FOXN2: variants seen among roughly 807,000 people sequenced by gnomAD.
The protein encoded by FOXN2 is forkhead box protein N2.
FOXN2 carries 19 observed loss-of-function variants against 41.2 expected under a neutral mutation model. That is an observed-to-expected ratio of 0.46 (90% CI 0.32 to 0.68). The LOEUF is 0.68. Among genes scored for constraint, FOXN2 ranks in the 30% least tolerant of loss-of-function variants. The pLI is 0.03. For missense variants in FOXN2, 587 were observed against 509.4 expected (o/e 1.15, Z -1.47); for synonymous variants, 195 against 176.8 (o/e 1.10, Z -0.82).
At chr2:48,327,942 C>CT (rs1210425483) in intron 1 of FOXN2, among the ~76,000 whole-genome samples, 1 of 152,074 alleles carries the variant, frequency 6.6e-6, no homozygotes, top group East Asian at 1.9e-4. Flanking sequence ...AAGTTTTACT[C>CT]TTGCTTTCCA....
At chr2:48,342,584 T>A (rs934137445) in intron 2 of FOXN2, among the ~76,000 whole-genome samples, 1 of 152,084 alleles carries the variant, frequency 6.6e-6, no homozygotes, top group African/African-American at 2.4e-5. Flanking sequence ...TATAATTTTT[T>A]AATTTATGTA....
chr2:48,360,296 A>G (rs1672086161), intron 4 of FOXN2, among the ~76,000 whole-genome samples: 1 of 152,188 alleles, frequency 6.6e-6, no homozygotes, highest in Admixed American at 6.5e-5. Flanking sequence ...GTAGTTTATA[A>G]TGGCTAACTT....
chr2:48,341,923 T>A (rs1670800772), intron 2 of FOXN2, among the ~76,000 whole-genome samples: 1 of 152,234 alleles, frequency 6.6e-6, no homozygotes, highest in Non-Finnish European at 1.5e-5. Context: ...CAGAACAAGC[T>A]GTACTAAGAA....
At chr2:48,333,842 A>C (rs1670171945) in intron 2 of FOXN2, among the ~76,000 whole-genome samples, 1 of 152,112 alleles carries the variant, frequency 6.6e-6, no homozygotes, top group Non-Finnish European at 1.5e-5. Flanking sequence ...CAGAAATATT[A>C]ACATAGTTAT....
At chr2:48,339,799 A>G (rs6545035) in intron 2 of FOXN2, among the ~76,000 whole-genome samples, 65,570 of 151,632 alleles carry the variant, frequency 0.43, 14,371 homozygotes, top group East Asian at 0.52. Flanking sequence ...GAAATTTCTG[A>G]CACTTGTATA....
chr2:48,333,770 A>G (rs1670167832), intron 2 of FOXN2, among the ~76,000 whole-genome samples: 1 of 152,148 alleles, frequency 6.6e-6, no homozygotes, highest in Non-Finnish European at 1.5e-5. Context: ...ATCTGAGTGG[A>G]TGTAAGGGTA....
chr2:48,319,535 A>G (rs1467850477), intron 1 of FOXN2, among the ~76,000 whole-genome samples: 1 of 151,986 alleles, frequency 6.6e-6, no homozygotes, highest in Non-Finnish European at 1.5e-5. Context: ...TGAACTTTTA[A>G]TTGAAATTCT....
chr2:48,363,254 C>G (rs1672313224), intron 5 of FOXN2, among the ~76,000 whole-genome samples: 1 of 151,202 alleles, frequency 6.6e-6, no homozygotes. Flanking sequence ...TTGTTTTTAA[C>G]TAAAAAGTTT....
intron 2 of FOXN2, among the ~76,000 whole-genome samples, chr2:48,345,527 T>C (rs906335652): frequency 2.0e-5 from 3 of 152,124 alleles, no homozygotes; most frequent in African/African-American, 7.2e-5. Flanking sequence ...GTATATGAGG[T>C]GATGGATATA....
intron 2 of FOXN2, among the ~76,000 whole-genome samples, chr2:48,341,969 C>A (rs1219076056): frequency 6.6e-6 from 1 of 152,172 alleles, no homozygotes; most frequent in Non-Finnish European, 1.5e-5. Context: ...CTTGAGCTCT[C>A]TGATAAGTCC....
intron 2 of FOXN2, among the ~76,000 whole-genome samples, chr2:48,336,465 ATT>A (rs1455890893): frequency 6.1e-4 from 91 of 150,132 alleles, no homozygotes; most frequent in African/African-American, 2.0e-3. Flanking sequence ...GTGTATATAT[ATT>A]TATTTATTTA....
intron 1 of FOXN2, among the ~76,000 whole-genome samples, chr2:48,327,688 A>G (rs1669770314): frequency 6.6e-6 from 1 of 152,130 alleles, no homozygotes; most frequent in African/African-American, 2.4e-5. Context: ...CAGGTGATCC[A>G]CCTGCCTTGG....
chr2:48,346,822 C>G (rs1671134703), intron 3 of FOXN2, 71 bp downstream of exon 3: 3 of 1,318,352 alleles, frequency 2.3e-6, no homozygotes, highest in Non-Finnish European at 3.1e-6. Context: ...CTTAAAATAT[C>G]TGGAAATCGG....
At position 48,346,631 on chromosome 2, in the gene FOXN2, T is replaced by C. The variant is rs751980761; in HGVS notation, c.417T>C (p.Tyr139=). ...AATGTTTGCCTGTCAAAGAAATTTA[T>C]AGCTGGATTCTGGACCATTTTCCAT... The part of the protein sequence containing the change: ...PNKCLPVKEI[Y]SWILDHFPYF... The change falls in exon 3 of 7, where the codon TAT becomes TAC. Residue 139 remains tyrosine, a synonymous_variant. Transcript: ENST00000340553. The C allele has an allele frequency of 6.2e-7, 1 of 1,614,184 alleles. No individual in the cohort carries two copies. The highest frequency in any genetic ancestry group is 1.1e-5 in the South Asian group (1 of 91,084).
At chr2:48,351,123 G>A (rs950047144) in intron 3 of FOXN2, among the ~76,000 whole-genome samples, 3 of 151,948 alleles carry the variant, frequency 2.0e-5, no homozygotes, top group Non-Finnish European at 4.4e-5. Context: ...ACCACACCCA[G>A]CTAATTTTTT....
At position 48,373,272 on chromosome 2, in the gene FOXN2, A is replaced by G. The variant is rs1177951877; in HGVS notation, c.704-20A>G. The G allele has an allele frequency of 3.9e-6, 6 of 1,539,088 alleles. No individual in the cohort carries two copies. The highest frequency in any genetic ancestry group is 5.4e-6 in the Non-Finnish European group (6 of 1,120,390). On this transcript the variant is annotated intron_variant, in intron 5 of 6. Transcript: ENST00000340553. Reference sequence around the variant, plus strand: ...CTCCTTTATAAAGAACATTAATATTATTACTTTTTCCCTTTTCAGAATCTG... The same window carrying G: ...CTCCTTTATAAAGAACATTAATATTGTTACTTTTTCCCTTTTCAGAATCTG...
chr2:48,365,865 CT>C (rs1672494402), intron 5 of FOXN2, among the ~76,000 whole-genome samples: 1 of 152,120 alleles, frequency 6.6e-6, no homozygotes, highest in African/African-American at 2.4e-5. Context: ...TATTTTTGAA[CT>C]TGGTTGTTTT....
At chr2:48,314,013 C>T (rs970649812), upstream of FOXN2, among the ~76,000 whole-genome samples, 1 of 152,166 alleles carries the variant, frequency 6.6e-6, no homozygotes, top group Non-Finnish European at 1.5e-5. Flanking sequence ...GGATTTGATC[C>T]GTAAGTCTTT....
At chr2:48,364,307 A>G (rs1672387054) in intron 5 of FOXN2, among the ~76,000 whole-genome samples, 1 of 152,172 alleles carries the variant, frequency 6.6e-6, no homozygotes, top group Non-Finnish European at 1.5e-5. Flanking sequence ...GACTCACCAT[A>G]GCCTCACAAT....
Sources: allele counts gnomAD v4.1 joint callset (sites outside exome capture counted in the v4.1 genomes callset), GRCh38; gene constraint gnomAD v4.1.1; transcripts MANE v1.5; gene names NCBI Gene and HGNC (gene_info 2026-07-23, HGNC 2026-07-21).